Variants in ASRGL1 observed in about 807,000 individuals in gnomAD.
The protein encoded by ASRGL1 is asparaginase and isoaspartyl peptidase 1.
In ASRGL1, 16 loss-of-function variants were observed where a neutral mutation model predicts 22.4. The observed-to-expected ratio is 0.71, with a 90% CI of 0.48 to 1.08. The LOEUF is 1.08. Ranked by LOEUF, ASRGL1 falls within the 50% of genes least tolerant of loss-of-function variation. The pLI is 0.00. For synonymous variants in ASRGL1, 165 were observed against 159.3 expected, an observed-to-expected ratio of 1.04 and a Z score of -0.27; for missense variants, 412 against 410.1, an observed-to-expected ratio of 1.00 and a Z score of -0.04.
rs113470811 is a variant in ASRGL1 at position 62,375,893 on chromosome 11, C to T, written c.492-13240C>T. On this transcript the variant is annotated intron_variant, in intron 4 of 6. Coordinates refer to ENST00000415229, the MANE Select transcript of ASRGL1 (RefSeq NM_001083926.2). ...TTGGGAGGCCGAGGCGGGTGGATCACGAGATCAAGACCAGCCTGACCAACA... is the reference window on the plus strand; with the variant it reads ...TTGGGAGGCCGAGGCGGGTGGATCATGAGATCAAGACCAGCCTGACCAACA... Among the ~76,000 whole-genome samples, 1,475 of 151,786 alleles carry T rather than the reference C, an allele frequency of 9.7e-3. 33 individuals carry two copies. The highest frequency in any genetic ancestry group is 0.031 in the African/African-American group (1,285 of 41,344).
downstream of ASRGL1, among the ~76,000 whole-genome samples, chr11:62,397,704 A>C (rs1033527815): frequency 9.2e-5 from 14 of 151,500 alleles, no homozygotes; most frequent in African/African-American, 3.4e-4. Context: ...ATTTCCTATC[A>C]GCCAGTGAAT....
intron 2 of ASRGL1, among the ~76,000 whole-genome samples, chr11:62,346,805 A>G (rs926628989): frequency 1.5e-4 from 21 of 141,174 alleles, no homozygotes; most frequent in African/African-American, 5.1e-4. Context: ...CCCCATCTCT[A>G]CTAAAACTAC....
chr11:62,349,514 TACTGA>T (rs1946117633), intron 2 of ASRGL1, among the ~76,000 whole-genome samples: 2 of 152,208 alleles, frequency 1.3e-5, no homozygotes, highest in African/African-American at 4.8e-5. Context: ...TCCCCACGGA[TACTGA>T]GGGACAGCTC....
chr11:62,357,336 G>A (rs367678287), intron 4 of ASRGL1, 192 bp downstream of exon 4: 192 of 556,348 alleles, frequency 3.5e-4, no homozygotes, highest in African/African-American at 5.8e-4. Context: ...TGCAGCCTCC[G>A]CCTCCCAGGC....
At chr11:62,369,077 C>G (rs1484062153) in intron 4 of ASRGL1, among the ~76,000 whole-genome samples, 1 of 152,102 alleles carries the variant, frequency 6.6e-6, no homozygotes, top group Non-Finnish European at 1.5e-5. Flanking sequence ...TCCCTTCCCA[C>G]GAGGCCATAT....
At chr11:62,369,036 C>CGGGTG in intron 4 of ASRGL1, among the ~76,000 whole-genome samples, 1 of 152,132 alleles carries the variant, frequency 6.6e-6, no homozygotes, top group Non-Finnish European at 1.5e-5. Context: ...AGACCCTTTA[C>CGGGTG]GGGTGTCAGG....
chr11:62,357,214 A>G, intron 4 of ASRGL1, 70 bp downstream of exon 4: 1 of 1,105,052 alleles, frequency 9.0e-7, no homozygotes, highest in Non-Finnish European at 1.3e-6. Context: ...ATACCTGGTT[A>G]TCTACAGTTC....
intron 4 of ASRGL1, among the ~76,000 whole-genome samples, chr11:62,380,599 C>T (rs536219589): frequency 1.3e-5 from 2 of 152,104 alleles, no homozygotes; most frequent in Non-Finnish European, 2.9e-5. Flanking sequence ...CCCATCAATC[C>T]ACCAACTCTT....
the ASRGL1 span, among the ~76,000 whole-genome samples, chr11:62,400,615 A>G: frequency 6.6e-6 from 1 of 152,194 alleles, no homozygotes; most frequent in Non-Finnish European, 1.5e-5. Context: ...TGTTTTATGA[A>G]ACACGTTTGC....
chr11:62,357,133 A>G lies in ASRGL1; in HGVS notation c.480A>G (p.Thr160=), dbSNP rs201316929. ...AGCATGAAAAAGGTGCTCAGAAAAC[A>G]GATTGTCAAAAGTAAGTCTTACCTG... ...KEKHEKGAQK[T]DCQKNLGTVG... is the part of the protein sequence containing the mutation. Residue 160 remains threonine (T), a synonymous_variant, in exon 4 of 7, where the codon ACA becomes ACG. Coordinates refer to ENST00000415229, the MANE Select transcript of ASRGL1 (RefSeq NM_001083926.2). 1 of 1,613,166 alleles carries G rather than the reference A, an allele frequency of 6.2e-7. No individual in the cohort carries two copies. Among genetic ancestry groups the G allele is most frequent in the East Asian group, 2.2e-5 (1 of 44,882 alleles).
chr11:62,386,516 AAAG>A, intron 4 of ASRGL1, among the ~76,000 whole-genome samples: 1 of 69,152 alleles, frequency 1.4e-5, no homozygotes, highest in Non-Finnish European at 4.5e-5. Flanking sequence ...GTATAGGGGG[AAAG>A]ATAGTGTTTA....
At chr11:62,376,032 G>A (rs1019474060) in intron 4 of ASRGL1, among the ~76,000 whole-genome samples, 1 of 146,052 alleles carries the variant, frequency 6.8e-6, no homozygotes, top group Non-Finnish European at 1.5e-5. Flanking sequence ...AACCTGGGAA[G>A]TGGAGGTTGC....
chr11:62,396,957 A>C (rs1475916975), downstream of ASRGL1, among the ~76,000 whole-genome samples: 1 of 152,172 alleles, frequency 6.6e-6, no homozygotes, highest in African/African-American at 2.4e-5. Flanking sequence ...TCCTCTCAGC[A>C]GCCACCGGCC....
intron 4 of ASRGL1, among the ~76,000 whole-genome samples, chr11:62,369,514 C>T (rs901774614): frequency 5.3e-5 from 8 of 152,086 alleles, no homozygotes; most frequent in Non-Finnish European, 7.4e-5. Flanking sequence ...CGGTCGCTGT[C>T]TCTTCGGAGC....
At chr11:62,360,397 T>C (rs1339543054) in intron 4 of ASRGL1, among the ~76,000 whole-genome samples, 8 of 152,172 alleles carry the variant, frequency 5.3e-5, no homozygotes, top group African/African-American at 1.9e-4. Flanking sequence ...CTCATTTTTT[T>C]ATACTTTGGA....
chr11:62,355,801 AG>A (rs1160584955), intron 2 of ASRGL1, among the ~76,000 whole-genome samples: 4 of 152,110 alleles, frequency 2.6e-5, no homozygotes, highest in African/African-American at 9.6e-5. Flanking sequence ...TGGGTACTTG[AG>A]ATTAGGGAGT....
At chr11:62,381,034 G>T (rs1358315511) in intron 4 of ASRGL1, among the ~76,000 whole-genome samples, 1 of 152,176 alleles carries the variant, frequency 6.6e-6, no homozygotes, top group Non-Finnish European at 1.5e-5. Context: ...TTCTGGGGGC[G>T]GCCGATACTG....
intron 2 of ASRGL1, chr11:62,338,453 G>A (rs2513077): frequency 0.87 from 296,436 of 340,808 alleles, 129,675 homozygotes; most frequent in East Asian, 1. Flanking sequence ...ATGTCAATCA[G>A]TACATACAAG....
chr11:62,368,006 T>C (rs548500104), intron 4 of ASRGL1, among the ~76,000 whole-genome samples: 1 of 152,190 alleles, frequency 6.6e-6, no homozygotes, highest in South Asian at 2.1e-4. Flanking sequence ...GGTGGATTAC[T>C]TGAGGTCAGG....
Sources: allele counts gnomAD v4.1 joint callset (sites outside exome capture counted in the v4.1 genomes callset), GRCh38; gene constraint gnomAD v4.1.1; transcripts MANE v1.5; gene names NCBI Gene and HGNC (gene_info 2026-07-23, HGNC 2026-07-21).